Variants in THOC2 observed in about 807,000 individuals in gnomAD.
The protein encoded by THOC2 is THO complex subunit 2, also known as THO complex 2.
THOC2 carries 10 observed loss-of-function variants against 128.4 expected under a neutral mutation model. The ratio of observed to expected loss-of-function variants is 0.08; its 90% CI spans 0.05 to 0.13. THOC2 has a LOEUF of 0.13. Ranked by LOEUF, THOC2 falls within the 10% of genes least tolerant of loss-of-function variation. The pLI is 1.00. For synonymous variants in THOC2, 393 were observed against 396.9 expected, an observed-to-expected ratio of 0.99 and a Z score of 0.12; for missense variants, 535 against 1,155.7, an observed-to-expected ratio of 0.46 and a Z score of 7.79.
intron 1 of THOC2, among the ~76,000 whole-genome samples, chrX:123,719,842 T>C (rs1226591064): frequency 1.9e-5 from 2 of 107,246 alleles, no homozygotes; most frequent in African/African-American, 6.8e-5. Flanking sequence ...AGCGGGAGGA[T>C]TGCTTGAGTC....
chrX:123,688,890 T>G (rs775427671), intron 7 of THOC2, among the ~76,000 whole-genome samples: 1 of 110,890 alleles, frequency 9.0e-6, no homozygotes, highest in Admixed American at 9.5e-5. Flanking sequence ...TATCAAATCA[T>G]GTAACTTCTC....
At chrX:123,638,366 T>A (rs1057433132) in intron 17 of THOC2, among the ~76,000 whole-genome samples, 3 of 111,957 alleles carry the variant, frequency 2.7e-5, no homozygotes, top group African/African-American at 9.7e-5. Context: ...TATCAAGATG[T>A]TTGGTAAGCC....
chrX:123,610,854 A>T, intron 38 of THOC2, 64 bp downstream of exon 38: 1 of 1,014,571 alleles, frequency 9.9e-7, no homozygotes. Context: ...CTAGTTTTTC[A>T]ACATTATCAG....
chrX:123,683,687 A>T (rs187207523), intron 8 of THOC2, among the ~76,000 whole-genome samples: 5 of 105,963 alleles, frequency 4.7e-5, no homozygotes, highest in Non-Finnish European at 9.7e-5. Flanking sequence ...CTACCTCCAC[A>T]CCTCCTGGGT....
intron 1 of THOC2, among the ~76,000 whole-genome samples, chrX:123,717,363 T>A (rs1338892381): frequency 9.0e-6 from 1 of 110,916 alleles, no homozygotes; most frequent in Non-Finnish European, 1.9e-5. Flanking sequence ...AATTTTTAAT[T>A]CCATTTAAAA....
intron 12 of THOC2, among the ~76,000 whole-genome samples, chrX:123,654,127 C>T (rs2048471061): frequency 9.0e-6 from 1 of 110,671 alleles, no homozygotes; most frequent in African/African-American, 3.3e-5. Context: ...AAGCTGGAAA[C>T]CATCATTCTC....
intron 22 of THOC2, among the ~76,000 whole-genome samples, chrX:123,629,465 G>A (rs896733064): frequency 1.8e-5 from 2 of 111,120 alleles, no homozygotes; most frequent in Non-Finnish European, 3.8e-5. Flanking sequence ...ATGATCAAAG[G>A]TTCTGCTTCC....
intron 7 of THOC2, among the ~76,000 whole-genome samples, chrX:123,694,954 G>A (rs1049601917): frequency 2.7e-5 from 3 of 112,268 alleles, no homozygotes; most frequent in African/African-American, 9.7e-5. Context: ...GCGAGACCCC[G>A]TCTCTTAAAA....
At chrX:123,645,861 C>T (rs778129500) in intron 12 of THOC2, among the ~76,000 whole-genome samples, 2 of 110,427 alleles carry the variant, frequency 1.8e-5, no homozygotes, top group South Asian at 7.7e-4. Context: ...ACTCAGGAGG[C>T]TTAGGCAGGA....
rs181102190 is a variant in THOC2, at chrX:123,604,756, T to A, written c.*19-3418A>T. 4.3e-4 allele frequency among the ~76,000 whole-genome samples: 48 copies of A among 111,997 alleles called. No individual in the cohort carries two copies. The East Asian group carries it at 0.012, about 29-fold the overall frequency. On this transcript the variant is annotated intron_variant, in intron 38 of 38. Transcript: ENST00000245838. ...AGCCCTCTGGATGGCAACCAAACAA[T>A]TTTTAAGAGAAACTATAAAATCAAG... is the stretch of plus-strand genomic sequence containing the variant.
At chrX:123,616,532 A>T (rs1300041991) in intron 33 of THOC2, among the ~76,000 whole-genome samples, 1 of 111,208 alleles carries the variant, frequency 9.0e-6, no homozygotes, top group Non-Finnish European at 1.9e-5. Context: ...TTATATAAAG[A>T]TGGCCTCACT....
At chrX:123,622,707 A>G (rs768605816) in intron 30 of THOC2, 51 bp downstream of exon 30, 1 of 936,555 alleles carries the variant, frequency 1.1e-6, no homozygotes, top group Non-Finnish European at 1.5e-6. Flanking sequence ...ATACATAAAA[A>G]TCATTTTTAA....
chrX:123,627,885 C>T lies in THOC2; in HGVS notation c.2565G>A (p.Met855Ile), dbSNP rs2047322233. ...CTGCTTCATGGACAGGCGCCATCACCATCTCACATGATGTAATGTACTTAT... is the reference window on the plus strand; with the variant it reads ...CTGCTTCATGGACAGGCGCCATCACTATCTCACATGATGTAATGTACTTAT... ...KVHKYITSCE[M>I]VMAPVHEAVV... Residue 855 changes from methionine (M) to isoleucine (I), a missense_variant, in exon 23 of 39, where the codon ATG (methionine) becomes ATA (isoleucine). By Grantham distance (10) the Met-to-Ile change is conservative. Coordinates refer to ENST00000245838, the MANE Select transcript of THOC2 (RefSeq NM_001081550.2). The T allele has an allele frequency of 8.3e-7, 1 of 1,211,059 alleles. No individual in the cohort carries two copies. Among genetic ancestry groups the T allele is most frequent in the Non-Finnish European group, 1.1e-6 (1 of 894,745 alleles).
intron 2 of THOC2, among the ~76,000 whole-genome samples, chrX:123,712,426 CT>C (rs2051231769): frequency 8.9e-6 from 1 of 111,974 alleles, no homozygotes; most frequent in African/African-American, 3.2e-5. Flanking sequence ...TGACAACTGC[CT>C]TTAACAAGAT....
intron 28 of THOC2, 160 bp from the exon 29 acceptor site, chrX:123,623,443 C>T (rs1178950041): frequency 2.9e-5 from 18 of 611,000 alleles, no homozygotes; most frequent in South Asian, 9.3e-5. Context: ...TTTTATAGAA[C>T]GCCCAGCTTT....
At chrX:123,648,636 G>T (rs747999358) in intron 12 of THOC2, among the ~76,000 whole-genome samples, 17 of 106,878 alleles carry the variant, frequency 1.6e-4, no homozygotes, top group Admixed American at 2.0e-4. Flanking sequence ...GAGGAGGGGC[G>T]TGTGCAATTA....
chrX:123,623,596 T>C, intron 28 of THOC2, 191 bp downstream of exon 28: 1 of 914,308 alleles, frequency 1.1e-6, no homozygotes, highest in Non-Finnish European at 1.5e-6. Context: ...AAAAAAACTA[T>C]CATCCAGTAT....
Position 123,706,894 on chromosome X carries a change from C to T in THOC2, c.186G>A (p.Lys62=). The T allele has an allele frequency of 8.6e-7, 1 of 1,164,812 alleles. No homozygotes were observed. Among genetic ancestry groups the T allele is most frequent in the South Asian group, 2.0e-5 (1 of 49,004 alleles). The change falls in exon 3 of 39, where the codon AAG becomes AAA. Residue 62 remains lysine (K), a synonymous_variant. Coordinates refer to ENST00000245838, the MANE Select transcript of THOC2 (RefSeq NM_001081550.2). The part of the protein sequence containing the change: ...LSYHVIKGNL[K]HEQASNVLSD... ...TAAGAACATTAGATGCCTGTTCATG[C>T]TTTAGATTTCCTTTAATTACATGAT... is the stretch of plus-strand genomic sequence containing the variant.
At chrX:123,618,760 T>C (rs1032270136) in intron 33 of THOC2, among the ~76,000 whole-genome samples, 2 of 111,860 alleles carry the variant, frequency 1.8e-5, no homozygotes, top group African/African-American at 6.5e-5. Context: ...AACTGCACAC[T>C]ACTTTTAGTA....
Sources: allele counts gnomAD v4.1 joint callset (sites outside exome capture counted in the v4.1 genomes callset), GRCh38; gene constraint gnomAD v4.1.1; transcripts MANE v1.5; gene names NCBI Gene and HGNC (gene_info 2026-07-23, HGNC 2026-07-21).